Variants in CEP112 observed in about 807,000 individuals in gnomAD.
The protein encoded by CEP112 is centrosomal protein 112.
A neutral mutation model predicts 153.0 loss-of-function variants in CEP112; 127 were observed. The observed-to-expected ratio is 0.83, with a 90% CI of 0.72 to 0.96. The LOEUF is 0.96. Ranked by LOEUF, CEP112 falls within the 40% of genes least tolerant of loss-of-function variation. The pLI is 0.00. For synonymous variants in CEP112, 358 were observed against 374.4 expected (o/e 0.96, Z 0.51); for missense variants, 1,089 against 1,101.2 (o/e 0.99, Z 0.16).
chr17:66,144,356 C>G (rs531529880), intron 4 of CEP112, among the ~76,000 whole-genome samples: 1 of 152,156 alleles, frequency 6.6e-6, no homozygotes, highest in African/African-American at 2.4e-5. Context: ...TTGGCCTGGC[C>G]AAGAATATTT....
intron 20 of CEP112, among the ~76,000 whole-genome samples, chr17:65,900,775 C>T (rs2059817946): frequency 3.9e-5 from 6 of 152,042 alleles, no homozygotes; most frequent in Admixed American, 3.9e-4. Context: ...AGTCAAAACA[C>T]CAGCATATAT....
At position 66,134,247 on chromosome 17, in the gene CEP112, G is replaced by T. The variant is rs565011025; in HGVS notation, c.471-1484C>A. 8.5e-5 allele frequency among the ~76,000 whole-genome samples: 13 copies of T among 152,076 alleles called. No homozygotes were observed. In the South Asian group the frequency reaches 1.5e-3, roughly 17 times the overall value. On this transcript the variant is annotated intron_variant, in intron 4 of 26. Transcript: ENST00000535342. ...AAATGTTTATCTATTTATTGCACAG[G>T]GTTGCATACATAAAACGACACACCC...
intron 21 of CEP112, among the ~76,000 whole-genome samples, chr17:65,756,645 G>A (rs1231527590): frequency 6.6e-6 from 1 of 152,122 alleles, no homozygotes; most frequent in African/African-American, 2.4e-5. Context: ...ATTCAGAGAG[G>A]AGAGGCATTG....
intron 19 of CEP112, among the ~76,000 whole-genome samples, chr17:65,905,922 G>C (rs925890473): frequency 6.6e-6 from 1 of 151,686 alleles, no homozygotes; most frequent in South Asian, 2.1e-4. Context: ...TCCAGCCTGG[G>C]CAACAGGGCC....
chr17:65,786,846 T>C (rs892628204), intron 21 of CEP112, among the ~76,000 whole-genome samples: 1 of 152,128 alleles, frequency 6.6e-6, no homozygotes, highest in Non-Finnish European at 1.5e-5. Context: ...TTCGTCTCCC[T>C]AAGTGCTGGG....
At chr17:66,123,439 G>A (rs1415693484) in intron 6 of CEP112, among the ~76,000 whole-genome samples, 1 of 152,214 alleles carries the variant, frequency 6.6e-6, no homozygotes, top group Non-Finnish European at 1.5e-5. Context: ...AGAAGGAACA[G>A]GGGAAAAGTG....
At chr17:66,114,984 C>T (rs886482449) in intron 6 of CEP112, among the ~76,000 whole-genome samples, 7 of 152,044 alleles carry the variant, frequency 4.6e-5, no homozygotes, top group Admixed American at 1.3e-4. Context: ...GCAGATGGAT[C>T]ACCTGAGGTC....
At position 66,128,302 on chromosome 17, in the gene CEP112, C is replaced by CAAAAAA. The variant is rs33978059; in HGVS notation, c.642+1438_642+1443dup. 1.1e-4 allele frequency among the ~76,000 whole-genome samples: 8 copies of CAAAAAA among 73,092 alleles called. No individual in the cohort carries two copies. The East Asian group carries it at 1.3e-3, about 12-fold the overall frequency. The allele number at this position is 73,092 out of a possible 152,430, so 48.0% of individuals were successfully genotyped here. A position where few individuals can be genotyped will look rare whatever the true frequency, so the allele number is the denominator to read the frequency against. On this transcript the variant is annotated intron_variant, in intron 6 of 26. Transcript: ENST00000535342. Reference sequence around the variant, plus strand: ...TGTGCGACACAGCAAGATTCTGTCTCAAAAAAAAAAAAAAAAAAAAGACAG... The same window carrying CAAAAAA: ...TGTGCGACACAGCAAGATTCTGTCTCAAAAAAAAAAAAAAAAAAAAAAAAAAGACAG...
At chr17:66,102,909 A>AT (rs2068626382) in intron 6 of CEP112, among the ~76,000 whole-genome samples, 1 of 151,874 alleles carries the variant, frequency 6.6e-6, no homozygotes, top group Non-Finnish European at 1.5e-5. Context: ...CAAAAAAACT[A>AT]TAAGTAAGAA....
intron 18 of CEP112, among the ~76,000 whole-genome samples, chr17:65,940,179 A>C (rs1269908816): frequency 6.6e-6 from 1 of 152,190 alleles, no homozygotes; most frequent in Non-Finnish European, 1.5e-5. Flanking sequence ...TTCAAACTAC[A>C]ATGAGATATC....
chr17:66,117,858 T>C (rs142474823), intron 6 of CEP112, among the ~76,000 whole-genome samples: 201 of 152,246 alleles, frequency 1.3e-3, no homozygotes, highest in Middle Eastern at 6.8e-3. Context: ...AAGATCTCAA[T>C]AGACACTTCT....
At chr17:66,148,944 T>G (rs550407017) in intron 4 of CEP112, among the ~76,000 whole-genome samples, 1 of 152,196 alleles carries the variant, frequency 6.6e-6, no homozygotes, top group Non-Finnish European at 1.5e-5. Context: ...TCTTTCACTA[T>G]AAGAATAATG....
chr17:65,961,513 G>A lies in CEP112; in HGVS notation c.1822C>T (p.Arg608Trp), dbSNP rs141089812. 79 of 1,613,058 alleles carry A rather than the reference G, an allele frequency of 4.9e-5. No homozygotes were observed. Among genetic ancestry groups the A allele is most frequent in the African/African-American group, 3.9e-4 (29 of 74,890 alleles). The change falls in exon 18 of 27, where the codon CGG becomes TGG. Residue 608 changes from arginine to tryptophan, a missense_variant. Physicochemically the swap from Arg to Trp is moderately radical, Grantham distance 101 (BLOSUM62 -3). Transcript: ENST00000535342. ...QADAALEEFK[R>W]QVELNSEKVY... ...TTCTCTGAGTTCAGTTCCACCTGCC[G>A]CTTAAACTCTTCCAGAGCGGCATCT...
chr17:65,755,213 G>A (rs2052177322), intron 21 of CEP112, among the ~76,000 whole-genome samples: 1 of 152,196 alleles, frequency 6.6e-6, no homozygotes, highest in Non-Finnish European at 1.5e-5. Flanking sequence ...AAGCATGGCT[G>A]GGGAGGTCCC....
At chr17:65,787,789 A>C (rs1172333370) in intron 21 of CEP112, among the ~76,000 whole-genome samples, 1 of 152,190 alleles carries the variant, frequency 6.6e-6, no homozygotes, top group Non-Finnish European at 1.5e-5. Context: ...AAACTGTCTT[A>C]TTATTTCCAA....
chr17:65,871,786 G>C lies in CEP112; in HGVS notation c.2164-19752C>G, dbSNP rs143134964. ...CTTGACCTCAAAGGACAACTTTACT[G>C]ACCAGGTGGGCCTCCCCAAGATATC... On this transcript the variant is annotated intron_variant, in intron 20 of 26. Transcript: ENST00000535342. Among the ~76,000 whole-genome samples, 442 of 152,294 alleles carry C rather than the reference G, an allele frequency of 2.9e-3. 2 individuals carry two copies. The highest frequency in any genetic ancestry group is 0.01 in the African/African-American group (416 of 41,572).
chr17:65,827,276 T>C (rs1224569309), intron 21 of CEP112, among the ~76,000 whole-genome samples: 1 of 152,148 alleles, frequency 6.6e-6, no homozygotes, highest in East Asian at 1.9e-4. Context: ...TGTGAGTCAA[T>C]ACTCCTTAAT....
At chr17:65,690,248 G>A (rs1028559146) in intron 23 of CEP112, among the ~76,000 whole-genome samples, 1 of 151,110 alleles carries the variant, frequency 6.6e-6, no homozygotes, top group Middle Eastern at 3.2e-3. Flanking sequence ...AACATAGCAA[G>A]ATCTTTTCTA....
intron 21 of CEP112, among the ~76,000 whole-genome samples, chr17:65,776,719 A>C (rs1387541035): frequency 1.3e-5 from 2 of 152,218 alleles, no homozygotes; most frequent in Non-Finnish European, 2.9e-5. Context: ...TTATATTTTT[A>C]AGATAAATCC....
Sources: allele counts gnomAD v4.1 joint callset (sites outside exome capture counted in the v4.1 genomes callset), GRCh38; gene constraint gnomAD v4.1.1; transcripts MANE v1.5; gene names NCBI Gene and HGNC (gene_info 2026-07-23, HGNC 2026-07-21).